The following ATAD2B variants were observed in gnomAD, a reference collection of about 807,000 sequenced individuals.
The protein encoded by ATAD2B is ATPase family AAA domain containing 2B.
A neutral mutation model predicts 167.6 loss-of-function variants in ATAD2B; 40 were observed. The ratio of observed to expected loss-of-function variants is 0.24; its 90% CI spans 0.19 to 0.31. The LOEUF is 0.31. ATAD2B is among the 10% of genes least tolerant of loss of function. The probability of loss-of-function intolerance (pLI) is 1.00; values close to 1 mark genes in which losing one functional copy is unlikely to be tolerated. For missense variants in ATAD2B, 1,242 were observed against 1,757.2 expected (o/e 0.71, Z 5.24); for synonymous variants, 579 against 596.5 (o/e 0.97, Z 0.43).
At chr2:23,716,338 G>A in the ATAD2B span, among the ~76,000 whole-genome samples, 1 of 152,116 alleles carries the variant, frequency 6.6e-6, no homozygotes, top group Non-Finnish European at 1.5e-5. Flanking sequence ...AAACAGCAAG[G>A]TTTATTGATT....
the ATAD2B span, among the ~76,000 whole-genome samples, chr2:23,720,712 C>T: frequency 1.3e-5 from 2 of 152,096 alleles, no homozygotes; most frequent in East Asian, 1.9e-4. Flanking sequence ...GCAGAAGATC[C>T]CCATCAACCC....
At chr2:23,800,138 C>T (rs891372381) in intron 18 of ATAD2B, 1 of 151,084 alleles carries the variant, frequency 6.6e-6, no homozygotes, top group Non-Finnish European at 1.5e-5. Flanking sequence ...ACGTGGAAGA[C>T]AGTGACCAAC....
intron 22 of ATAD2B, among the ~76,000 whole-genome samples, chr2:23,767,358 A>G (rs1415432451): frequency 2.0e-5 from 3 of 152,200 alleles, no homozygotes; most frequent in African/African-American, 7.2e-5. Context: ...CACATGCATC[A>G]GGGATAATAA....
At chr2:23,918,156 A>C (rs952646710) in intron 1 of ATAD2B, among the ~76,000 whole-genome samples, 2 of 146,514 alleles carry the variant, frequency 1.4e-5, no homozygotes, top group African/African-American at 5.0e-5. Flanking sequence ...TCTTGAGCCC[A>C]GGAGTTTGAG....
At chr2:23,716,447 G>C in the ATAD2B span, among the ~76,000 whole-genome samples, 188 of 151,914 alleles carry the variant, frequency 1.2e-3, 5 homozygotes, top group South Asian at 0.034. Context: ...CATTGTTGTT[G>C]TTGTTGTTGT....
chr2:23,803,813 C>T (rs1572823519), intron 18 of ATAD2B, among the ~76,000 whole-genome samples: 1 of 152,296 alleles, frequency 6.6e-6, no homozygotes, highest in Non-Finnish European at 1.5e-5. Flanking sequence ...CATATACATA[C>T]AGCCCTTTAA....
At chr2:23,787,195 C>T (rs988764267) in intron 20 of ATAD2B, among the ~76,000 whole-genome samples, 3 of 152,004 alleles carry the variant, frequency 2.0e-5, no homozygotes, top group Non-Finnish European at 4.4e-5. Context: ...TATTAACTTT[C>T]CTAATTACAA....
chr2:23,903,305 T>C (rs1701059826), intron 1 of ATAD2B, among the ~76,000 whole-genome samples: 2 of 151,992 alleles, frequency 1.3e-5, no homozygotes, highest in South Asian at 4.1e-4. Flanking sequence ...TGGGAATATG[T>C]ATTCTAACAA....
intron 6 of ATAD2B, among the ~76,000 whole-genome samples, chr2:23,882,502 TAAAAAAAAA>T (rs770725105): frequency 1.1e-5 from 1 of 92,200 alleles, no homozygotes; most frequent in Non-Finnish European, 2.1e-5. Flanking sequence ...AGCCTCTATT[TAAAAAAAAA>T]AAAAAAAAAA....
intron 19 of ATAD2B, among the ~76,000 whole-genome samples, chr2:23,791,592 C>G (rs547330737): frequency 6.6e-6 from 1 of 152,096 alleles, no homozygotes; most frequent in South Asian, 2.1e-4. Context: ...TTTTCATACA[C>G]TTATCATCCA....
the ATAD2B span, among the ~76,000 whole-genome samples, chr2:23,677,975 A>G: frequency 2.0e-5 from 3 of 152,282 alleles, no homozygotes; most frequent in Admixed American, 2.0e-4. Context: ...AACCTTTCTC[A>G]AGGCTCTGAT....
chr2:23,694,992 G>A, the ATAD2B span, among the ~76,000 whole-genome samples: 4 of 152,166 alleles, frequency 2.6e-5, no homozygotes, highest in Admixed American at 6.5e-5. Context: ...TGGTGGTCTC[G>A]TTACTCATGG....
chr2:23,870,424 C>A (rs1317096652), intron 8 of ATAD2B, among the ~76,000 whole-genome samples: 2 of 151,000 alleles, frequency 1.3e-5, no homozygotes, highest in Non-Finnish European at 2.9e-5. Context: ...GTAACTGAGA[C>A]TGGAGGCACC....
rs375808887 is a variant in ATAD2B, at chr2:23,819,749, T to C, written c.2265A>G (p.Thr755=). ...GAAAGTTGATATAAATCACTCACATTGTAAAATGAAGGTAGGGTTTATGTA... is the reference window on the plus strand; with the variant it reads ...GAAAGTTGATATAAATCACTCACATCGTAAAATGAAGGTAGGGTTTATGTA... ...AAIHKPYLHF[T]MSPYHQPTSY... Residue 755 remains threonine, a splice_region_variant and synonymous_variant, in exon 17 of 28, where the codon ACA becomes ACG. Transcript: ENST00000238789. 1.1e-5 allele frequency: 18 copies of C among 1,595,766 alleles called. No homozygotes were observed. Among genetic ancestry groups the C allele is most frequent in the Non-Finnish European group, 1.5e-5 (18 of 1,171,574 alleles).
rs1371736660 is a variant in ATAD2B at position 23,819,832 on chromosome 2, T to C, written c.2182A>G (p.Ile728Val). ...EDSEDENALS[I>V]FETNCHSGSP... ...CCTGAGTGACAATTGGTCTCAAAAATTGATAAAGCATTTTCATCTTCACTA... is the reference window on the plus strand; with the variant it reads ...CCTGAGTGACAATTGGTCTCAAAAACTGATAAAGCATTTTCATCTTCACTA... The change falls in exon 17 of 28, where the codon ATT (isoleucine) becomes GTT (valine). Residue 728 changes from isoleucine (I) to valine (V), a missense_variant. Coordinates refer to ENST00000238789, the MANE Select transcript of ATAD2B (RefSeq NM_017552.4). 1.3e-6 allele frequency: 2 copies of C among 1,596,968 alleles called. No individual in the cohort carries two copies. The highest frequency in any genetic ancestry group is 1.7e-6 in the Non-Finnish European group (2 of 1,165,230).
chr2:23,900,952 T>C (rs1023882430), intron 1 of ATAD2B: 2 of 153,192 alleles, frequency 1.3e-5, no homozygotes, highest in African/African-American at 2.4e-5. Context: ...TCCCTGAGGA[T>C]CTCTACTGTT....
At chr2:23,910,898 G>A (rs1287267873) in intron 1 of ATAD2B, among the ~76,000 whole-genome samples, 1 of 150,446 alleles carries the variant, frequency 6.6e-6, no homozygotes, top group African/African-American at 2.4e-5. Flanking sequence ...AAGAGAGGAA[G>A]AACAGTGGAG....
In ATAD2B at chr2:23,807,787, G is replaced by A. The variant is rs962062424; in HGVS notation, c.2454+2529C>T. ...GCTGAGATTGCGCCACTGCACTCCAGCCTGGGCAACAGAGCGTGACTCCAT... is the reference window on the plus strand; with the variant it reads ...GCTGAGATTGCGCCACTGCACTCCAACCTGGGCAACAGAGCGTGACTCCAT... On this transcript the variant is annotated intron_variant, in intron 18 of 27. Transcript: ENST00000238789. Among the ~76,000 whole-genome samples the A allele has an allele frequency of 4.3e-5, 6 of 139,614 alleles. No homozygotes were observed. The East Asian group carries it at 1.3e-3, about 30-fold the overall frequency. The allele number at this position is 139,614 out of a possible 152,430, so 91.6% of individuals were successfully genotyped here. A position where few individuals can be genotyped will look rare whatever the true frequency, so the allele number is the denominator to read the frequency against.
At chr2:23,873,099 CTTTGCAAT>C in intron 8 of ATAD2B, 1 of 451,876 alleles carries the variant, frequency 2.2e-6, no homozygotes, top group Non-Finnish European at 4.1e-6. Context: ...TCTACTTATT[CTTTGCAAT>C]TTTGATATTT....
Sources: gnomAD v4.1 joint callset for allele counts (sites outside exome capture counted in the v4.1 genomes callset) on GRCh38, gnomAD v4.1.1 for gene constraint, MANE v1.5 for transcripts, NCBI Gene and HGNC (gene_info 2026-07-23, HGNC 2026-07-21) for gene names.